The following METTL21C variants were observed in gnomAD, a reference collection of about 807,000 sequenced individuals.
The protein encoded by METTL21C is methyltransferase 21C, AARS1 lysine.
METTL21C carries 21 observed loss-of-function variants against 25.9 expected under a neutral mutation model. The ratio of observed to expected loss-of-function variants is 0.81; its 90% CI spans 0.58 to 1.17. The LOEUF is 1.17. Among genes scored for constraint, METTL21C ranks in the 50% most tolerant of loss-of-function variants. The pLI is 0.00. For missense variants in METTL21C, 312 were observed against 315.1 expected, an observed-to-expected ratio of 0.99 and a Z score of 0.07; for synonymous variants, 125 against 124.7, an observed-to-expected ratio of 1.00 and a Z score of -0.01.
At chr13:102,697,422 C>T (rs183267955), upstream of METTL21C, among the ~76,000 whole-genome samples, 33 of 152,170 alleles carry the variant, frequency 2.2e-4, no homozygotes, top group African/African-American at 5.8e-4. Context: ...AGGACAGCCC[C>T]GCACAGCAAA....
chr13:102,688,363 G>A (rs895135497), intron 2 of METTL21C, among the ~76,000 whole-genome samples: 8 of 152,200 alleles, frequency 5.3e-5, no homozygotes, highest in African/African-American at 1.9e-4. Flanking sequence ...ACTCAGTGGT[G>A]GGGCTTAGGG....
chr13:102,696,712 C>A (rs1207719151), upstream of METTL21C, among the ~76,000 whole-genome samples: 1 of 152,084 alleles, frequency 6.6e-6, no homozygotes, highest in Non-Finnish European at 1.5e-5. Context: ...CTTTAACATG[C>A]GTCAACTCCA....
At chr13:102,702,439 G>C in the METTL21C span, among the ~76,000 whole-genome samples, 1 of 152,098 alleles carries the variant, frequency 6.6e-6, no homozygotes, top group African/African-American at 2.4e-5. Context: ...TGAAATAAGA[G>C]CTGTAACAAT....
rs750860147 is a variant in METTL21C, at chr13:102,686,391, G to T, written c.435C>A (p.Val145=). ...AQVTATDLPD[V]LGNLQYNLLK... is the part of the protein sequence containing the mutation. ...AAAGATTGTATTGAAGGTTTCCCAG[G>T]ACATCAGGCAAATCTGTTGCTGTGA... Residue 145 remains valine (V), a synonymous_variant, in exon 4 of 4, where the codon GTC becomes GTA. Coordinates refer to ENST00000267273, the MANE Select transcript of METTL21C (RefSeq NM_001010977.3). The T allele has an allele frequency of 4.1e-5, 66 of 1,613,424 alleles. No homozygotes were observed. The highest frequency in any genetic ancestry group is 3.3e-4 in the Middle Eastern group (2 of 6,082).
At chr13:102,698,831 C>A (rs190583503), upstream of METTL21C, among the ~76,000 whole-genome samples, 297 of 152,298 alleles carry the variant, frequency 2.0e-3, 1 homozygote, top group African/African-American at 6.2e-3. Context: ...GGCATATGAA[C>A]CTGTTGGTCC....
chr13:102,686,391 G>A lies in METTL21C; in HGVS notation c.435C>T (p.Val145=), dbSNP rs750860147. Residue 145 remains valine (V), a synonymous_variant, in exon 4 of 4, where the codon GTC becomes GTT. Coordinates refer to ENST00000267273, the MANE Select transcript of METTL21C (RefSeq NM_001010977.3). The part of the protein sequence containing the change: ...AQVTATDLPD[V]LGNLQYNLLK... ...AAAGATTGTATTGAAGGTTTCCCAG[G>A]ACATCAGGCAAATCTGTTGCTGTGA... The A allele has an allele frequency of 6.2e-7, 1 of 1,613,542 alleles. No individual in the cohort carries two copies. The highest frequency in any genetic ancestry group is 1.1e-5 in the South Asian group (1 of 90,908).
At chr13:102,687,125 C>T in intron 2 of METTL21C, 68 bp from the exon 3 acceptor site, 1 of 1,175,822 alleles carries the variant, frequency 8.5e-7, no homozygotes, top group Admixed American at 1.8e-5. Context: ...CCCTTTCTGG[C>T]ACCCAAATTT....
At chr13:102,691,348 CTT>C (rs11342787) in intron 1 of METTL21C, among the ~76,000 whole-genome samples, 120 of 145,012 alleles carry the variant, frequency 8.3e-4, no homozygotes, top group African/African-American at 2.8e-3. Context: ...ACAAACCTGC[CTT>C]TTTTTTTTTT....
At chr13:102,694,326 A>T in intron 1 of METTL21C, 43 bp downstream of exon 1, 1 of 1,579,448 alleles carries the variant, frequency 6.3e-7, no homozygotes, top group Non-Finnish European at 8.6e-7. Context: ...TCGCCAGGAA[A>T]ACAACTGAGG....
chr13:102,690,490 T>C (rs1341810592), intron 2 of METTL21C, among the ~76,000 whole-genome samples: 1 of 151,950 alleles, frequency 6.6e-6, no homozygotes, highest in East Asian at 1.9e-4. Context: ...AGATGCCCAC[T>C]GCAAAATCTA....
chr13:102,686,894 G>A, intron 3 of METTL21C, 46 bp downstream of exon 3: 1 of 1,464,012 alleles, frequency 6.8e-7, no homozygotes, highest in Non-Finnish European at 9.6e-7. Flanking sequence ...TGCTATTGTT[G>A]TTACAGTAAA....
chr13:102,686,520 G>A, intron 3 of METTL21C, 95 bp from the exon 4 acceptor site: 1 of 1,414,570 alleles, frequency 7.1e-7, no homozygotes, highest in Non-Finnish European at 9.5e-7. Context: ...GGATTCCTTA[G>A]CCTTGGCTCT....
At chr13:102,703,278 TAGTCA>T in the METTL21C span, among the ~76,000 whole-genome samples, 1 of 152,192 alleles carries the variant, frequency 6.6e-6, no homozygotes, top group African/African-American at 2.4e-5. Context: ...TCCTAGAGCT[TAGTCA>T]ATGGGCAGCT....
At position 102,690,958 on chromosome 13, in the gene METTL21C, T is replaced by C. The variant is rs16960383; in HGVS notation, c.137A>G (p.Asn46Ser). The C allele has an allele frequency of 0.015, 24,183 of 1,613,570 alleles. 239 individuals carry two copies. The highest frequency in any genetic ancestry group is 0.038 in the Middle Eastern group (233 of 6,060). The change falls in exon 2 of 4, where the codon AAC (asparagine) becomes AGC (serine). Residue 46 changes from asparagine (N) to serine (S), a missense_variant. By Grantham distance (46) the Asn-to-Ser change is conservative. Coordinates refer to ENST00000267273, the MANE Select transcript of METTL21C (RefSeq NM_001010977.3). ...DSTGGVLEES[N>S]KIEPSLHSLQ... ...GCTATGAAGAGATGGTTCTATCTTG[T>C]TGGATTCTGTGAAGCAGAAAAATAA...
At chr13:102,699,937 G>A (rs1229124884), upstream of METTL21C, among the ~76,000 whole-genome samples, 1 of 152,180 alleles carries the variant, frequency 6.6e-6, no homozygotes, top group African/African-American at 2.4e-5. Flanking sequence ...AGGATTTTAA[G>A]ACAGGATTCT....
At chr13:102,693,687 C>T (rs2138888966) in intron 1 of METTL21C, among the ~76,000 whole-genome samples, 1 of 152,294 alleles carries the variant, frequency 6.6e-6, no homozygotes, top group East Asian at 1.9e-4. Flanking sequence ...GATAAAGAAA[C>T]ATATGTTTTT....
chr13:102,699,354 T>C (rs1256974580), upstream of METTL21C, among the ~76,000 whole-genome samples: 1 of 152,180 alleles, frequency 6.6e-6, no homozygotes, highest in Admixed American at 6.5e-5. Flanking sequence ...CTCCGTTGCT[T>C]CTTCCATAAC....
the METTL21C span, among the ~76,000 whole-genome samples, chr13:102,702,032 C>T: frequency 1.3e-5 from 2 of 151,776 alleles, no homozygotes; most frequent in Non-Finnish European, 2.9e-5. Flanking sequence ...GGTGTGGTGG[C>T]GGGTGCCTGT....
chr13:102,696,689 A>G (rs1885951797), upstream of METTL21C, among the ~76,000 whole-genome samples: 1 of 152,128 alleles, frequency 6.6e-6, no homozygotes, highest in Admixed American at 6.5e-5. Flanking sequence ...GCTATGTCCA[A>G]ATCACCCGGA....
Sources: allele counts gnomAD v4.1 joint callset (sites outside exome capture counted in the v4.1 genomes callset), GRCh38; gene constraint gnomAD v4.1.1; transcripts MANE v1.5; gene names NCBI Gene and HGNC (gene_info 2026-07-23, HGNC 2026-07-21).